The following UNC13C variants were observed in gnomAD, a reference collection of about 807,000 sequenced individuals.
UNC13C encodes the protein unc-13 homolog C.
A neutral mutation model predicts 245.4 loss-of-function variants in UNC13C; 174 were observed. The ratio of observed to expected loss-of-function variants is 0.71; its 90% CI spans 0.63 to 0.80. The LOEUF is 0.80. Among genes scored for constraint, UNC13C ranks in the 30% least tolerant of loss-of-function variants. The probability of loss-of-function intolerance (pLI) is 0.00; values close to 1 mark genes in which losing one functional copy is unlikely to be tolerated. For synonymous variants in UNC13C, 992 were observed against 895.1 expected (o/e 1.11, Z -1.93); for missense variants, 2,829 against 2,602.9 (o/e 1.09, Z -1.89).
chr15:54,239,061 C>A (rs557500844), intron 7 of UNC13C, among the ~76,000 whole-genome samples: 1 of 152,312 alleles, frequency 6.6e-6, no homozygotes, highest in South Asian at 2.1e-4. Flanking sequence ...GACAGTTTAT[C>A]TGTGTCCCTC....
chr15:54,574,402 T>TA (rs976063543), intron 30 of UNC13C, among the ~76,000 whole-genome samples: 1 of 151,880 alleles, frequency 6.6e-6, no homozygotes, highest in Non-Finnish European at 1.5e-5. Flanking sequence ...ACAATGTTAC[T>TA]AAAAAAAAGG....
the UNC13C span, among the ~76,000 whole-genome samples, chr15:53,862,283 C>T: frequency 1.4e-4 from 22 of 152,194 alleles, no homozygotes; most frequent in Admixed American, 2.6e-4. Context: ...CAACTGGTTA[C>T]AGGGAGAAAG....
chr15:54,244,721 C>A (rs917699789), intron 7 of UNC13C, among the ~76,000 whole-genome samples: 3 of 152,050 alleles, frequency 2.0e-5, no homozygotes, highest in Non-Finnish European at 4.4e-5. Context: ...GTATTTTATT[C>A]TTTTTGTAGC....
chr15:54,213,350 A>G (rs188983016), intron 4 of UNC13C, among the ~76,000 whole-genome samples: 153 of 152,168 alleles, frequency 1.0e-3, no homozygotes, highest in African/African-American at 2.9e-3. Flanking sequence ...AGAGAGGAAA[A>G]GTATATTTTA....
chr15:54,548,208 CTTTTTTTTTTTTTTTTT>C (rs60975842), intron 27 of UNC13C, among the ~76,000 whole-genome samples: 19 of 61,936 alleles, frequency 3.1e-4, no homozygotes, highest in South Asian at 7.5e-4. Context: ...GTTTCTTTTG[CTTTTTTTTTTTTTTTTT>C]TTTTTTTTTT....
At chr15:53,886,437 C>A in the UNC13C span, among the ~76,000 whole-genome samples, 25,404 of 152,026 alleles carry the variant, frequency 0.17, 2,807 homozygotes, top group Non-Finnish European at 0.25. Flanking sequence ...AGGTGAGGAA[C>A]AAATGAAGTA....
chr15:54,517,807 G>C (rs1279074257), intron 24 of UNC13C, among the ~76,000 whole-genome samples: 1 of 152,126 alleles, frequency 6.6e-6, no homozygotes, highest in African/African-American at 2.4e-5. Flanking sequence ...AAAGAGATAA[G>C]GTTTGTGAGA....
At chr15:54,457,851 A>AT (rs1255842401) in intron 19 of UNC13C, among the ~76,000 whole-genome samples, 5 of 92,420 alleles carry the variant, frequency 5.4e-5, no homozygotes, top group Non-Finnish European at 1.2e-4. Flanking sequence ...TATCTTTTCT[A>AT]TTTTTTTGTT....
intron 7 of UNC13C, among the ~76,000 whole-genome samples, chr15:54,240,212 G>A (rs2035814388): frequency 2.0e-5 from 3 of 152,064 alleles, no homozygotes; most frequent in African/African-American, 7.2e-5. Context: ...CATCAGTTAT[G>A]TCTCAGATTC....
chr15:54,444,901 G>C (rs756711039), intron 19 of UNC13C, among the ~76,000 whole-genome samples: 1 of 151,460 alleles, frequency 6.6e-6, no homozygotes, highest in Non-Finnish European at 1.5e-5. Flanking sequence ...GTGCCGTGTT[G>C]GTGTGCTGCA....
the UNC13C span, among the ~76,000 whole-genome samples, chr15:53,891,343 A>G: frequency 6.6e-6 from 1 of 152,102 alleles, no homozygotes; most frequent in East Asian, 1.9e-4. Flanking sequence ...TATTCTGTTG[A>G]TTTGGGGTGG....
At chr15:54,624,736 T>C (rs1311952924) in intron 32 of UNC13C, among the ~76,000 whole-genome samples, 1 of 152,130 alleles carries the variant, frequency 6.6e-6, no homozygotes, top group Non-Finnish European at 1.5e-5. Context: ...ATGGAGAAGA[T>C]TCTGTATCAT....
chr15:53,888,892 C>T, the UNC13C span, among the ~76,000 whole-genome samples: 1 of 152,130 alleles, frequency 6.6e-6, no homozygotes, highest in Admixed American at 6.6e-5. Flanking sequence ...GGGCTCTGTT[C>T]TGTTCCATTG....
At chr15:54,578,932 G>A (rs1212374189) in intron 30 of UNC13C, among the ~76,000 whole-genome samples, 1 of 152,188 alleles carries the variant, frequency 6.6e-6, no homozygotes, top group Non-Finnish European at 1.5e-5. Context: ...TCACCCAAGA[G>A]CAATGGATGT....
intron 2 of UNC13C, among the ~76,000 whole-genome samples, chr15:54,134,890 C>T (rs550045354): frequency 6.6e-6 from 1 of 152,218 alleles, no homozygotes; most frequent in South Asian, 2.1e-4. Flanking sequence ...TGAGGAACCT[C>T]CATACTGCTT....
At chr15:54,592,868 T>G (rs1001757598) in intron 30 of UNC13C, among the ~76,000 whole-genome samples, 21 of 151,652 alleles carry the variant, frequency 1.4e-4, no homozygotes, top group Admixed American at 1.2e-3. Flanking sequence ...TTTTTGTTTT[T>G]TTTTTTTTTT....
chr15:54,203,284 C>T (rs1294099901), intron 4 of UNC13C, among the ~76,000 whole-genome samples: 1 of 151,660 alleles, frequency 6.6e-6, no homozygotes, highest in African/African-American at 2.4e-5. Context: ...CCTTAAAGAA[C>T]TAAAAGTAGA....
At chr15:54,142,585 C>T (rs929902066) in intron 2 of UNC13C, among the ~76,000 whole-genome samples, 1 of 152,166 alleles carries the variant, frequency 6.6e-6, no homozygotes, top group Non-Finnish European at 1.5e-5. Flanking sequence ...AAATACTGAT[C>T]TCAATTAATT....
rs572784669 is a variant in UNC13C at position 54,065,327 on chromosome 15, C to T, written c.2983+49441C>T. Among the ~76,000 whole-genome samples, 22 of 152,308 alleles carry T rather than the reference C, an allele frequency of 1.4e-4. No homozygotes were observed. In the East Asian group the frequency reaches 4.3e-3, roughly 29 times the overall value. Reference sequence around the variant, plus strand: ...GTTTCCCTAAGTTCCCAATTCCACTCTCCGATATGCTTTTTCTGCATTATA... The same window carrying T: ...GTTTCCCTAAGTTCCCAATTCCACTTTCCGATATGCTTTTTCTGCATTATA... On this transcript the variant is annotated intron_variant, in intron 2 of 32. Transcript: ENST00000260323.
Sources: allele counts gnomAD v4.1 joint callset (sites outside exome capture counted in the v4.1 genomes callset), GRCh38; gene constraint gnomAD v4.1.1; transcripts MANE v1.5; gene names NCBI Gene and HGNC (gene_info 2026-07-23, HGNC 2026-07-21).